The following LRMDA variants were observed in gnomAD, a reference collection of about 807,000 sequenced individuals.
LRMDA encodes the protein leucine-rich melanocyte differentiation-associated protein.
LRMDA carries 18 observed loss-of-function variants against 29.8 expected under a neutral mutation model. That is an observed-to-expected ratio of 0.60 (90% CI 0.42 to 0.90). The LOEUF (loss-of-function observed/expected upper bound fraction) is 0.90, where lower values mean the gene tolerates loss of function less well. Among genes scored for constraint, LRMDA ranks in the 40% least tolerant of loss-of-function variants. The pLI, the probability that LRMDA is intolerant of heterozygous loss-of-function variation, is 0.00. For missense variants in LRMDA, 273 were observed against 273.9 expected (o/e 1.00, Z 0.02); for synonymous variants, 125 against 109.4 (o/e 1.14, Z -0.89).
intron 1 of LRMDA, 130 bp downstream of exon 1, chr10:75,431,884 G>A (rs1014313766): frequency 2.2e-6 from 2 of 923,608 alleles, no homozygotes; most frequent in East Asian, 3.5e-5. Context: ...CAGGGGGTGA[G>A]CTTCAGGTGC....
rs1449757793 is a variant in LRMDA at position 76,287,212 on chromosome 10, G to T, written c.517-37189G>T. Among the ~76,000 whole-genome samples, 3 of 151,782 alleles carry T rather than the reference G, an allele frequency of 2.0e-5. No individual in the cohort carries two copies. In the East Asian group the frequency reaches 5.8e-4, roughly 29 times the overall value. ...TCTGGTTGTGGCTTCTTCTTTATTTGCCATCTGCCTGCCCCACTCTCAGCA... is the reference window on the plus strand; with the variant it reads ...TCTGGTTGTGGCTTCTTCTTTATTTTCCATCTGCCTGCCCCACTCTCAGCA... On this transcript the variant is annotated intron_variant, in intron 5 of 6. Coordinates refer to ENST00000611255, the MANE Select transcript of LRMDA (RefSeq NM_001305581.2).
intron 6 of LRMDA, among the ~76,000 whole-genome samples, chr10:76,357,682 G>A (rs1841258910): frequency 6.6e-6 from 1 of 152,136 alleles, no homozygotes; most frequent in African/African-American, 2.4e-5. Flanking sequence ...CAAAGTAGGT[G>A]TAAAATGAAA....
intron 2 of LRMDA, among the ~76,000 whole-genome samples, chr10:76,023,067 ATCT>A (rs544522240): frequency 1.3e-3 from 188 of 149,718 alleles, no homozygotes; most frequent in African/African-American, 4.3e-3. Context: ...TCCTTCTGCC[ATCT>A]TCTTTTTTTT....
chr10:75,556,956 CT>C (rs1840222249), intron 2 of LRMDA, among the ~76,000 whole-genome samples: 1 of 151,644 alleles, frequency 6.6e-6, no homozygotes, highest in African/African-American at 2.4e-5. Flanking sequence ...TAAAAAAAAA[CT>C]TCAAAAGAAG....
At chr10:75,571,217 A>G (rs1840433290) in intron 2 of LRMDA, among the ~76,000 whole-genome samples, 1 of 152,218 alleles carries the variant, frequency 6.6e-6, no homozygotes, top group African/African-American at 2.4e-5. Flanking sequence ...ATATAGGTCA[A>G]TTAACATGTG....
intron 2 of LRMDA, among the ~76,000 whole-genome samples, chr10:75,539,071 T>C (rs530237965): frequency 1.3e-5 from 2 of 152,334 alleles, no homozygotes; most frequent in South Asian, 2.1e-4. Context: ...TATCGTATGG[T>C]TTAAAACCAA....
rs1231237305 is a variant in LRMDA at position 75,530,390 on chromosome 10, C to T, written c.131+91896C>T. Among the ~76,000 whole-genome samples, 5 of 152,194 alleles carry T rather than the reference C, an allele frequency of 3.3e-5. No homozygotes were observed. The East Asian group carries it at 9.7e-4, about 29-fold the overall frequency. ...AGTTCTTAACTGCATCACAGAATTGCAGGAATTCAGGGACGGCAATGCATG... is the reference window on the plus strand; with the variant it reads ...AGTTCTTAACTGCATCACAGAATTGTAGGAATTCAGGGACGGCAATGCATG... On this transcript the variant is annotated intron_variant, in intron 2 of 6. Transcript: ENST00000611255.
intron 5 of LRMDA, among the ~76,000 whole-genome samples, chr10:76,240,179 TAC>T (rs375626127): frequency 1.5e-4 from 22 of 148,638 alleles, no homozygotes; most frequent in South Asian, 1.5e-3. Flanking sequence ...CAAAATCGCA[TAC>T]ACACACACAC....
chr10:76,416,511 A>G (rs919429881), intron 6 of LRMDA, among the ~76,000 whole-genome samples: 1 of 152,224 alleles, frequency 6.6e-6, no homozygotes, highest in South Asian at 2.1e-4. Context: ...TTCAAAGAAG[A>G]TGATGTTTGT....
chr10:75,497,119 G>A (rs912343915), intron 2 of LRMDA, among the ~76,000 whole-genome samples: 2 of 152,146 alleles, frequency 1.3e-5, no homozygotes, highest in African/African-American at 4.8e-5. Context: ...GCAGGTGGTT[G>A]AGATAGTGAT....
At chr10:76,233,522 T>C (rs1354988286) in intron 5 of LRMDA, among the ~76,000 whole-genome samples, 1 of 152,162 alleles carries the variant, frequency 6.6e-6, no homozygotes, top group Admixed American at 6.5e-5. Context: ...TCACGAAAGA[T>C]TTCTCTGTAG....
chr10:75,568,635 C>A (rs1840401162), intron 2 of LRMDA, among the ~76,000 whole-genome samples: 1 of 152,302 alleles, frequency 6.6e-6, no homozygotes, highest in Non-Finnish European at 1.5e-5. Flanking sequence ...TGTATAGGAT[C>A]TGAAGAGGAG....
intron 5 of LRMDA, among the ~76,000 whole-genome samples, chr10:76,287,101 A>C (rs1299200408): frequency 6.6e-6 from 1 of 152,184 alleles, no homozygotes; most frequent in Admixed American, 6.5e-5. Context: ...AAGATATAAC[A>C]TATACTAAAT....
intron 2 of LRMDA, among the ~76,000 whole-genome samples, chr10:76,028,806 CT>C (rs1034361511): frequency 1.4e-4 from 21 of 148,794 alleles, no homozygotes; most frequent in Non-Finnish European, 4.4e-5. Context: ...TTATGAGAAG[CT>C]TATTCAAAGC....
intron 2 of LRMDA, among the ~76,000 whole-genome samples, chr10:75,996,054 A>T (rs1847456260): frequency 1.3e-5 from 2 of 152,210 alleles, no homozygotes; most frequent in Non-Finnish European, 2.9e-5. Flanking sequence ...CATGAAGTTA[A>T]GCACAATTTA....
intron 5 of LRMDA, among the ~76,000 whole-genome samples, chr10:76,267,429 C>A (rs1353680326): frequency 6.6e-6 from 1 of 152,048 alleles, no homozygotes; most frequent in African/African-American, 2.4e-5. Context: ...ATTTCCAAAC[C>A]CTTTTTTATC....
chr10:76,284,285 G>A (rs1840243157), intron 5 of LRMDA, among the ~76,000 whole-genome samples: 1 of 152,152 alleles, frequency 6.6e-6, no homozygotes, highest in South Asian at 2.1e-4. Flanking sequence ...TTCCGAAGAG[G>A]ACTCAGGGAA....
At chr10:75,436,141 C>T (rs1844261854) in intron 1 of LRMDA, among the ~76,000 whole-genome samples, 1 of 151,770 alleles carries the variant, frequency 6.6e-6, no homozygotes, top group Non-Finnish European at 1.5e-5. Context: ...GTTGGAAGTC[C>T]TTATTTATGG....
At chr10:75,669,853 A>G (rs1487226959) in intron 2 of LRMDA, among the ~76,000 whole-genome samples, 1 of 152,250 alleles carries the variant, frequency 6.6e-6, no homozygotes, top group African/African-American at 2.4e-5. Context: ...TTTTATGGTT[A>G]GCAATCCAAA....
Sources: allele counts gnomAD v4.1 joint callset (sites outside exome capture counted in the v4.1 genomes callset), GRCh38; gene constraint gnomAD v4.1.1; transcripts MANE v1.5; gene names NCBI Gene and HGNC (gene_info 2026-07-23, HGNC 2026-07-21).